Variants in PRKCA observed in about 807,000 individuals in gnomAD.
The protein encoded by PRKCA is protein kinase C alpha type.
Under a neutral mutation model 87.0 loss-of-function variants are expected in PRKCA, and 27 were observed. The observed-to-expected ratio is 0.31, with a 90% CI of 0.23 to 0.43. The LOEUF (loss-of-function observed/expected upper bound fraction) is 0.43. Ranked by LOEUF, PRKCA falls within the 20% of genes least tolerant of loss-of-function variation. PRKCA has a pLI of 1.00. For missense variants in PRKCA, 518 were observed against 852.3 expected (o/e 0.61, Z 4.88); for synonymous variants, 329 against 311.1 (o/e 1.06, Z -0.61).
At chr17:66,765,440 A>ATATCTATATATCTATATATC (rs1974785802) in intron 13 of PRKCA, among the ~76,000 whole-genome samples, 1 of 136,162 alleles carries the variant, frequency 7.3e-6, no homozygotes, top group Non-Finnish European at 1.6e-5. Context: ...ATATATATAT[A>ATATCTATATATCTATATATC]TATATATATA....
chr17:66,571,924 C>G (rs1969089793), intron 3 of PRKCA, among the ~76,000 whole-genome samples: 1 of 152,086 alleles, frequency 6.6e-6, no homozygotes, highest in Non-Finnish European at 1.5e-5. Flanking sequence ...AGGGAACGTT[C>G]TGTGTGTGGT....
chr17:66,727,188 A>G lies in PRKCA; in HGVS notation c.919-5500A>G, dbSNP rs190358535. Among the ~76,000 whole-genome samples, 374 of 104,274 alleles carry G rather than the reference A, an allele frequency of 3.6e-3. 1 individual carries two copies. Among genetic ancestry groups the G allele is most frequent in the African/African-American group, 0.014 (358 of 25,772 alleles). The allele number at this position is 104,274 out of a possible 152,430, so 68.4% of individuals were successfully genotyped here. A position where few individuals can be genotyped will look rare whatever the true frequency, so the allele number is the denominator to read the frequency against. The stretch of plus-strand genomic sequence containing the variant: ...TGCCACGGGAAGGAATTCAAGGATG[A>G]GTCAGAAAATAGTGAAAAATATGGA... On this transcript the variant is annotated intron_variant, in intron 8 of 16. Transcript: ENST00000413366.
At chr17:66,407,161 T>C (rs1911462096) in intron 2 of PRKCA, among the ~76,000 whole-genome samples, 1 of 152,052 alleles carries the variant, frequency 6.6e-6, no homozygotes, top group African/African-American at 2.4e-5. Flanking sequence ...TTTTTTCCCA[T>C]TGGTTTTATC....
chr17:66,617,617 A>G (rs971289874), intron 3 of PRKCA, among the ~76,000 whole-genome samples: 1 of 152,160 alleles, frequency 6.6e-6, no homozygotes, highest in African/African-American at 2.4e-5. Context: ...TATGGAAGAA[A>G]CCACAAGGCA....
At chr17:66,771,425 A>G (rs953691985) in intron 13 of PRKCA, among the ~76,000 whole-genome samples, 1 of 152,254 alleles carries the variant, frequency 6.6e-6, no homozygotes, top group Admixed American at 6.5e-5. Context: ...TACTCATGAT[A>G]TATTATTAAA....
chr17:66,785,273 T>C (rs1252604216), intron 14 of PRKCA, among the ~76,000 whole-genome samples: 1 of 152,094 alleles, frequency 6.6e-6, no homozygotes, highest in African/African-American at 2.4e-5. Context: ...AGGGACCTAC[T>C]TGGCTCAACG....
chr17:66,501,496 G>A (rs971512817), intron 3 of PRKCA, among the ~76,000 whole-genome samples: 2 of 152,316 alleles, frequency 1.3e-5, no homozygotes, highest in Non-Finnish European at 1.5e-5. Flanking sequence ...CAACGTTAGC[G>A]GTGAGCTCAT....
chr17:66,550,702 C>G (rs971389280), intron 3 of PRKCA, among the ~76,000 whole-genome samples: 3 of 152,106 alleles, frequency 2.0e-5, no homozygotes, highest in African/African-American at 7.2e-5. Context: ...GAAAGATTCT[C>G]CAGTGCGGGC....
chr17:66,441,588 A>G (rs1177651543), intron 2 of PRKCA, among the ~76,000 whole-genome samples: 1 of 152,034 alleles, frequency 6.6e-6, no homozygotes, highest in Admixed American at 6.6e-5. Flanking sequence ...TCTCCTCTTC[A>G]GGTGGTTTCT....
intron 13 of PRKCA, among the ~76,000 whole-genome samples, chr17:66,743,129 G>A (rs1428752994): frequency 1.3e-5 from 2 of 152,208 alleles, no homozygotes; most frequent in Non-Finnish European, 2.9e-5. Flanking sequence ...AGGAGTTCAA[G>A]ACCAGCCTGG....
At chr17:66,680,911 T>C (rs1463230862) in intron 5 of PRKCA, among the ~76,000 whole-genome samples, 2 of 152,182 alleles carry the variant, frequency 1.3e-5, no homozygotes, top group Non-Finnish European at 2.9e-5. Context: ...CCATTTATGC[T>C]ACATATATTC....
chr17:66,401,310 TAGG>T (rs1252130484), intron 2 of PRKCA, among the ~76,000 whole-genome samples: 1 of 152,122 alleles, frequency 6.6e-6, no homozygotes, highest in Non-Finnish European at 1.5e-5. Flanking sequence ...TGGAAGATGG[TAGG>T]AGTTCACCTG....
chr17:66,338,435 A>T (rs1906840280), intron 2 of PRKCA, among the ~76,000 whole-genome samples: 1 of 152,058 alleles, frequency 6.6e-6, no homozygotes, highest in Admixed American at 6.6e-5. Context: ...CTGTTGAGAG[A>T]GGGGGATGAG....
intron 2 of PRKCA, among the ~76,000 whole-genome samples, chr17:66,460,327 C>G (rs1338176473): frequency 6.6e-6 from 1 of 152,054 alleles, no homozygotes; most frequent in South Asian, 2.1e-4. Flanking sequence ...TTAAAAATAG[C>G]TCCTTCAGAT....
intron 2 of PRKCA, among the ~76,000 whole-genome samples, chr17:66,485,462 C>T (rs1915955881): frequency 6.6e-6 from 1 of 152,190 alleles, no homozygotes; most frequent in African/African-American, 2.4e-5. Flanking sequence ...AGAGAGGTTT[C>T]ATCCATGCTG....
chr17:66,487,364 A>G (rs959929393), intron 2 of PRKCA, among the ~76,000 whole-genome samples: 1 of 152,080 alleles, frequency 6.6e-6, no homozygotes, highest in Non-Finnish European at 1.5e-5. Flanking sequence ...ATTCTTTTTT[A>G]TGGTTGAATA....
intron 8 of PRKCA, among the ~76,000 whole-genome samples, 154 bp from the exon 9 acceptor site, chr17:66,732,534 T>C (rs914349747): frequency 1.3e-5 from 2 of 152,204 alleles, no homozygotes; most frequent in African/African-American, 2.4e-5. Flanking sequence ...TAGCTGCTGA[T>C]ATCTGAACAG....
At chr17:66,796,454 T>C in intron 16 of PRKCA, 1 of 985,362 alleles carries the variant, frequency 1.0e-6, no homozygotes, top group Non-Finnish European at 1.2e-6. Context: ...CCAGACTTTG[T>C]GTACCAAAAT....
intron 2 of PRKCA, among the ~76,000 whole-genome samples, chr17:66,437,890 C>A (rs1312229413): frequency 6.6e-6 from 1 of 151,832 alleles, no homozygotes. Flanking sequence ...TCACTTATGT[C>A]TATAAATACC....
Sources: allele counts gnomAD v4.1 joint callset (sites outside exome capture counted in the v4.1 genomes callset), GRCh38; gene constraint gnomAD v4.1.1; transcripts MANE v1.5; gene names NCBI Gene and HGNC (gene_info 2026-07-23, HGNC 2026-07-21).